Variants in FBXO16 observed in about 807,000 individuals in gnomAD.
The protein encoded by FBXO16 is F-box protein 16.
Under a neutral mutation model 41.0 loss-of-function variants are expected in FBXO16, and 31 were observed. The ratio of observed to expected loss-of-function variants is 0.76; its 90% CI spans 0.57 to 1.02. FBXO16 has a LOEUF of 1.02. FBXO16 is among the 50% of genes least tolerant of loss of function. The probability of loss-of-function intolerance (pLI) is 0.00; values close to 1 mark genes in which losing one functional copy is unlikely to be tolerated. For synonymous variants in FBXO16, 133 were observed against 117.8 expected, an observed-to-expected ratio of 1.13 and a Z score of -0.84; for missense variants, 361 against 346.2, an observed-to-expected ratio of 1.04 and a Z score of -0.34.
At chr8:28,441,736 CA>C (rs1177604301) in intron 7 of FBXO16, among the ~76,000 whole-genome samples, 4,393 of 84,492 alleles carry the variant, frequency 0.052, 84 homozygotes, top group Non-Finnish European at 0.066. Flanking sequence ...AACTCCGTCT[CA>C]AAAAAAAAAA....
intron 7 of FBXO16, among the ~76,000 whole-genome samples, chr8:28,441,581 C>T (rs1802775324): frequency 6.6e-6 from 1 of 151,748 alleles, no homozygotes; most frequent in Non-Finnish European, 1.5e-5. Context: ...ACTAAAAATA[C>T]AAAAATTAGC....
At chr8:28,447,993 T>C (rs961155236) in intron 6 of FBXO16, among the ~76,000 whole-genome samples, 1 of 151,258 alleles carries the variant, frequency 6.6e-6, no homozygotes, top group Non-Finnish European at 1.5e-5. Context: ...GATTAAACCA[T>C]AAAATGAAAA....
intron 4 of FBXO16, among the ~76,000 whole-genome samples, chr8:28,460,126 A>G (rs1349068277): frequency 6.7e-6 from 1 of 149,822 alleles, no homozygotes; most frequent in Non-Finnish European, 1.5e-5. Context: ...ACTATCCCCC[A>G]GTTACCCATT....
At chr8:28,463,858 G>T in intron 3 of FBXO16, 40 bp from the exon 4 acceptor site, 1 of 1,588,186 alleles carries the variant, frequency 6.3e-7, no homozygotes. Context: ...AAAGCTCCAG[G>T]TTTAGTCTGA....
chr8:28,441,471 C>T lies in FBXO16; in HGVS notation c.843+5700G>A, dbSNP rs780471467. ...AAATATAGGGCTGGGCGCAGGGGCT[C>T]ACGCCTGTAATCCCAGCACTTTGGG... On this transcript the variant is annotated intron_variant, in intron 7 of 8. Coordinates refer to ENST00000380254, the MANE Select transcript of FBXO16 (RefSeq NM_172366.4). Among the ~76,000 whole-genome samples the T allele has an allele frequency of 2.0e-5, 3 of 152,284 alleles. No individual in the cohort carries two copies. In the East Asian group the frequency reaches 5.8e-4, roughly 29 times the overall value.
At chr8:28,459,620 C>CAAAAAAA (rs1203607328) in intron 4 of FBXO16, among the ~76,000 whole-genome samples, 8 of 95,316 alleles carry the variant, frequency 8.4e-5, no homozygotes, top group African/African-American at 3.4e-4. Flanking sequence ...GACCCTGTCT[C>CAAAAAAA]AAAAATAATA....
rs535302304 is a variant in FBXO16 at position 28,442,388 on chromosome 8, T to C, written c.843+4783A>G. Reference sequence around the variant, plus strand: ...TCAGGTCTAAGCTTTATTCCCATCTTTTTTCTTCTTTTTGAGACAGAGTCT... The same window carrying C: ...TCAGGTCTAAGCTTTATTCCCATCTCTTTTCTTCTTTTTGAGACAGAGTCT... On this transcript the variant is annotated intron_variant, in intron 7 of 8. Transcript: ENST00000380254. Among the ~76,000 whole-genome samples the C allele has an allele frequency of 5.3e-5, 8 of 151,988 alleles. No individual in the cohort carries two copies. The East Asian group carries it at 1.2e-3, about 22-fold the overall frequency.
intron 3 of FBXO16, among the ~76,000 whole-genome samples, chr8:28,471,807 A>C (rs1431664): frequency 0.024 from 1,503 of 63,068 alleles, 20 homozygotes; most frequent in East Asian, 0.18. Context: ...GAGAATCTCA[A>C]AAAAAAAAAA....
chr8:28,462,339 C>T (rs1414618792), intron 4 of FBXO16, among the ~76,000 whole-genome samples: 1 of 149,640 alleles, frequency 6.7e-6, no homozygotes, highest in African/African-American at 2.5e-5. Flanking sequence ...AGTGCAGTGG[C>T]GCATTCTCGG....
At position 28,486,214 on chromosome 8, in the gene FBXO16, C is replaced by T. The variant is rs2130211500; in HGVS notation, c.-16-2752G>A. On this transcript the variant is annotated intron_variant, in intron 1 of 8. Transcript: ENST00000380254. ...GTTGTTGTTATTTATTTATTTTCTACATTTCTTCTTCTTCTTCTTTTTTTT... is the reference window on the plus strand; with the variant it reads ...GTTGTTGTTATTTATTTATTTTCTATATTTCTTCTTCTTCTTCTTTTTTTT... Among the ~76,000 whole-genome samples, 4 of 147,448 alleles carry T rather than the reference C, an allele frequency of 2.7e-5. No individual in the cohort carries two copies. In the Middle Eastern group the frequency reaches 0.011, roughly 398 times the overall value.
intron 3 of FBXO16, among the ~76,000 whole-genome samples, chr8:28,464,190 C>A (rs1803195237): frequency 1.3e-5 from 2 of 152,192 alleles, no homozygotes; most frequent in African/African-American, 4.8e-5. Context: ...CCCATCAGTG[C>A]TTAAAACAGC....
chr8:28,450,167 C>T (rs187137151), intron 6 of FBXO16, among the ~76,000 whole-genome samples: 1 of 152,206 alleles, frequency 6.6e-6, no homozygotes, highest in Non-Finnish European at 1.5e-5. Flanking sequence ...AAAACCCTCA[C>T]ATATATGGTC....
At chr8:28,429,251 G>A (rs1802572000) in intron 8 of FBXO16, 127 bp downstream of exon 8, 2 of 1,052,436 alleles carry the variant, frequency 1.9e-6, no homozygotes, top group Non-Finnish European at 2.8e-6. Flanking sequence ...CCAAAGTGCT[G>A]AGATTATCAG....
chr8:28,450,458 A>G (rs1171208890), intron 6 of FBXO16, among the ~76,000 whole-genome samples: 2 of 152,222 alleles, frequency 1.3e-5, no homozygotes, highest in Admixed American at 1.3e-4. Flanking sequence ...ATTGGACTTC[A>G]TCAAAATTGA....
chr8:28,464,689 T>C (rs1206918687), intron 3 of FBXO16, among the ~76,000 whole-genome samples: 1 of 152,256 alleles, frequency 6.6e-6, no homozygotes, highest in East Asian at 1.9e-4. Context: ...AGTCTCACTC[T>C]GTTGCCTAGA....
rs368771539 is a variant in FBXO16, at chr8:28,487,363, C to G, written c.-17+2823G>C. The stretch of plus-strand genomic sequence containing the variant: ...TGCATGCACATACATGTTCACAGAA[C>G]AGACCATTTGCTACTATTAAGAAGA... On this transcript the variant is annotated intron_variant, in intron 1 of 8. Transcript: ENST00000380254. Among the ~76,000 whole-genome samples the G allele has an allele frequency of 1.3e-4, 20 of 150,790 alleles. 1 individual carries two copies. The East Asian group carries it at 2.1e-3, about 16-fold the overall frequency.
chr8:28,450,097 G>A (rs977352279), intron 6 of FBXO16, among the ~76,000 whole-genome samples: 1 of 151,916 alleles, frequency 6.6e-6, no homozygotes, highest in African/African-American at 2.4e-5. Flanking sequence ...TCAAAACAGT[G>A]TCATACTGGT....
intron 7 of FBXO16, among the ~76,000 whole-genome samples, chr8:28,444,876 C>A (rs1802839195): frequency 6.7e-6 from 1 of 149,260 alleles, no homozygotes; most frequent in African/African-American, 2.5e-5. Flanking sequence ...CGTGATCCAC[C>A]CACCTCGGCC....
intron 2 of FBXO16, among the ~76,000 whole-genome samples, chr8:28,480,592 C>A (rs1226027453): frequency 6.6e-6 from 1 of 152,198 alleles, no homozygotes; most frequent in South Asian, 2.1e-4. Context: ...CAACCTCCAC[C>A]TCCTGGGTTC....
Sources: allele counts gnomAD v4.1 joint callset (sites outside exome capture counted in the v4.1 genomes callset), GRCh38; gene constraint gnomAD v4.1.1; transcripts MANE v1.5; gene names NCBI Gene and HGNC (gene_info 2026-07-23, HGNC 2026-07-21).